EHD3: variants seen among roughly 807,000 people sequenced by gnomAD.
The protein encoded by EHD3 is EH domain-containing protein 3.
EHD3 carries 17 observed loss-of-function variants against 43.0 expected under a neutral mutation model. The ratio of observed to expected loss-of-function variants is 0.40; its 90% CI spans 0.27 to 0.59. The LOEUF is 0.59. Among genes scored for constraint, EHD3 ranks in the 20% least tolerant of loss-of-function variants. The probability of loss-of-function intolerance (pLI) is 0.49; values close to 1 mark genes in which losing one functional copy is unlikely to be tolerated. For synonymous variants in EHD3, 313 were observed against 289.5 expected (o/e 1.08, Z -0.82); for missense variants, 594 against 705.6 (o/e 0.84, Z 1.79).
chr2:31,248,575 A>T (rs1457692784), intron 2 of EHD3, among the ~76,000 whole-genome samples: 5 of 152,178 alleles, frequency 3.3e-5, no homozygotes, highest in African/African-American at 1.2e-4. Flanking sequence ...TGGCTGCCTC[A>T]CAATCATCCA....
intron 1 of EHD3, among the ~76,000 whole-genome samples, chr2:31,243,121 CA>C (rs981349604): frequency 2.7e-5 from 4 of 149,492 alleles, no homozygotes; most frequent in African/African-American, 9.9e-5. Flanking sequence ...TACAAAAATA[CA>C]AAAAAATTAG....
chr2:31,261,227 C>T (rs1401626031), intron 4 of EHD3, among the ~76,000 whole-genome samples: 2 of 152,188 alleles, frequency 1.3e-5, no homozygotes, highest in African/African-American at 4.8e-5. Context: ...AGTCTCAAAG[C>T]CCTCATCACA....
chr2:31,266,552 A>G lies in EHD3; in HGVS notation c.1456A>G (p.Lys486Glu), dbSNP rs1416999822. Residue 486 changes from lysine (K) to glutamate (E), a missense_variant, in exon 6 of 6, where the codon AAG becomes GAG. Lys to Glu is a moderately conservative substitution (Grantham distance 56). Around this residue, in one of 3 missense-constraint regions of EHD3, gnomAD observed 322 missense variants for 348.0 expected, o/e 0.93. Transcript: ENST00000322054. This position sits in a 1 kb window ranked among gnomAD's most constrained non-coding sequence, Gnocchi z 5.1. Reference protein sequence around the residue: ...LPNSVLGKIWKLADIDKDGML... With the variant: ...LPNSVLGKIWELADIDKDGML... ...CAACAGTGTGCTGGGCAAGATCTGG[A>G]AGCTGGCCGACATTGACAAGGATGG... 2 of 1,614,114 alleles carry G rather than the reference A, an allele frequency of 1.2e-6. No homozygotes were observed. Among genetic ancestry groups the G allele is most frequent in the Admixed American group, 1.7e-5 (1 of 60,016 alleles).
chr2:31,245,811 C>T lies in EHD3; in HGVS notation c.404+1361C>T, dbSNP rs1329836849. Among the ~76,000 whole-genome samples the T allele has an allele frequency of 2.7e-5, 4 of 146,958 alleles. 1 individual carries two copies. The highest frequency in any genetic ancestry group is 1.0e-4 in the African/African-American group (4 of 39,366). ...TGTCAGGCTGGTCTCGAACTCCCAACCTCAGGTGATTGACCTGCCTCAGCC... is the reference window on the plus strand; with the variant it reads ...TGTCAGGCTGGTCTCGAACTCCCAATCTCAGGTGATTGACCTGCCTCAGCC... On this transcript the variant is annotated intron_variant, in intron 2 of 5. Coordinates refer to ENST00000322054, the MANE Select transcript of EHD3 (RefSeq NM_014600.3).
chr2:31,266,873 A>C lies in EHD3; in HGVS notation c.*169A>C. 1 of 876,944 alleles carries C rather than the reference A, an allele frequency of 1.1e-6. No individual in the cohort carries two copies. Among genetic ancestry groups the C allele is most frequent in the South Asian group, 1.9e-5 (1 of 51,448 alleles). 54.3% of individuals were successfully genotyped at this position (876,944 alleles called of 1,614,324 possible). On this transcript the variant is annotated 3_prime_UTR_variant, in exon 6 of 6. Transcript: ENST00000322054. This position sits in a 1 kb window ranked among gnomAD's most constrained non-coding sequence, Gnocchi z 5.1. ...ACCATGACGCCCATGTTTGCAGCTG[A>C]TACTTGTTTGGGCACACCTCCAAGT... is the stretch of plus-strand genomic sequence containing the variant.
rs770386941 is a variant in EHD3 at position 31,260,707 on chromosome 2, G to T, written c.700G>T (p.Gly234Trp). ...IETQQLMRVY[G>W]ALMWSLGKIV... The stretch of plus-strand genomic sequence containing the variant: ...GACGCAGCAGCTGATGCGGGTGTAC[G>T]GGGCCCTCATGTGGTCCTTGGGGAA... Residue 234 changes from glycine to tryptophan, a missense_variant, in exon 4 of 6, where the codon GGG (glycine) becomes TGG (tryptophan). Gly to Trp is a radical substitution (Grantham distance 184). This residue lies in a region of EHD3 where 29 missense variants were observed against 60.9 expected (regional missense o/e 0.48). Coordinates refer to ENST00000322054, the MANE Select transcript of EHD3 (RefSeq NM_014600.3). The surrounding 1 kb of genome is among the most constrained non-coding windows in gnomAD (Gnocchi z 4.6). 3 of 1,614,184 alleles carry T rather than the reference G, an allele frequency of 1.9e-6. No individual in the cohort carries two copies. The South Asian group carries it at 3.3e-5, about 18-fold the overall frequency.
intron 5 of EHD3, among the ~76,000 whole-genome samples, chr2:31,264,187 A>G (rs892939846): frequency 1.3e-5 from 2 of 152,218 alleles, no homozygotes; most frequent in Non-Finnish European, 2.9e-5. Context: ...ATGATGACCT[A>G]TTGCTTCTAG....
At chr2:31,253,326 AG>A in intron 3 of EHD3, among the ~76,000 whole-genome samples, 1 of 151,736 alleles carries the variant, frequency 6.6e-6, no homozygotes. Context: ...CTTCTTGCCT[AG>A]GGCTCCAAGA....
intron 1 of EHD3, among the ~76,000 whole-genome samples, chr2:31,243,452 C>T (rs74175096): frequency 0.22 from 7,255 of 33,404 alleles, 1,009 homozygotes; most frequent in East Asian, 0.61. Context: ...TTCTTTCTTT[C>T]TTTCTTTCTT....
chr2:31,245,722 C>T (rs1201473473), intron 2 of EHD3, among the ~76,000 whole-genome samples: 4 of 145,350 alleles, frequency 2.8e-5, no homozygotes, highest in East Asian at 3.9e-4. Context: ...CCACCACGCC[C>T]GACTAATTTT....
chr2:31,247,150 G>A (rs544927908), intron 2 of EHD3, among the ~76,000 whole-genome samples: 1 of 152,288 alleles, frequency 6.6e-6, no homozygotes, highest in South Asian at 2.1e-4. Context: ...GCCCACCTTG[G>A]CCTCCCAAAG....
intron 1 of EHD3, among the ~76,000 whole-genome samples, chr2:31,241,262 T>G (rs942841659): frequency 6.6e-6 from 1 of 152,184 alleles, no homozygotes; most frequent in Non-Finnish European, 1.5e-5. Flanking sequence ...TTCATCGTTC[T>G]AAAAGGGAGC....
At chr2:31,246,899 CCTT>C (rs1683533831) in intron 2 of EHD3, among the ~76,000 whole-genome samples, 1 of 150,788 alleles carries the variant, frequency 6.6e-6, no homozygotes, top group South Asian at 2.1e-4. Flanking sequence ...ACAGTGGTTA[CCTT>C]TTTTTTTTTT....
At chr2:31,234,961 G>T in intron 1 of EHD3, 113 bp downstream of exon 1, 1 of 981,038 alleles carries the variant, frequency 1.0e-6, no homozygotes, top group South Asian at 1.6e-5. Flanking sequence ...TTCAGTTGAG[G>T]GCTCTGAAGA....
chr2:31,243,655 C>T (rs2148716851), intron 1 of EHD3, among the ~76,000 whole-genome samples: 1 of 151,944 alleles, frequency 6.6e-6, no homozygotes, highest in East Asian at 1.9e-4. Context: ...CAGGTTTCAC[C>T]ATGTTGGCCA....
Position 31,260,892 on chromosome 2 carries a change from C to G in EHD3, c.885C>G (p.Asn295Lys). 6.2e-7 allele frequency: 1 copy of G among 1,612,470 alleles called. No homozygotes were observed. Among genetic ancestry groups the G allele is most frequent in the Non-Finnish European group, 8.5e-7 (1 of 1,179,170 alleles). ...GAAATGCTGCCCTGCGCAAGCTCAA[C>G]GACCTCATCAAAAGGGCCAGGCTGG... is the stretch of plus-strand genomic sequence containing the variant. The part of the protein sequence containing the change: ...LPRNAALRKL[N>K]DLIKRARLAK... The change falls in exon 4 of 6, where the codon AAC becomes AAG. Residue 295 changes from asparagine (N) to lysine (K), a missense_variant. Asn to Lys is a moderately conservative substitution (Grantham distance 94, BLOSUM62 0). Transcript: ENST00000322054. This position sits in a 1 kb window ranked among gnomAD's most constrained non-coding sequence, Gnocchi z 4.6.
intron 3 of EHD3, among the ~76,000 whole-genome samples, chr2:31,254,522 A>G (rs1342601977): frequency 6.6e-6 from 1 of 152,200 alleles, no homozygotes; most frequent in African/African-American, 2.4e-5. Flanking sequence ...GAAGCATCTA[A>G]TGTGGCATTT....
At chr2:31,241,121 A>G (rs1683416728) in intron 1 of EHD3, among the ~76,000 whole-genome samples, 1 of 152,114 alleles carries the variant, frequency 6.6e-6, no homozygotes, top group African/African-American at 2.4e-5. Context: ...CAAGCAGGGA[A>G]CCCCACAGCT....
At chr2:31,248,697 C>A (rs887339307) in intron 2 of EHD3, among the ~76,000 whole-genome samples, 1 of 152,190 alleles carries the variant, frequency 6.6e-6, no homozygotes, top group East Asian at 1.9e-4. Flanking sequence ...GCTTGTGATC[C>A]TCTGGCCATA....
Sources: gnomAD v4.1 joint callset for allele counts (sites outside exome capture counted in the v4.1 genomes callset) on GRCh38, gnomAD v4.1.1 for gene constraint, gnomAD v4.1.1 regional missense constraint, Gnocchi (gnomAD v3.1) non-coding constraint, MANE v1.5 for transcripts, NCBI Gene and HGNC (gene_info 2026-07-23, HGNC 2026-07-21) for gene names.